OTUD7A: variants seen among roughly 807,000 people sequenced by gnomAD.
OTUD7A encodes the protein OTU domain-containing protein 7A.
In OTUD7A, 12 loss-of-function variants were observed where a neutral mutation model predicts 65.7. The observed-to-expected ratio is 0.18, with a 90% CI of 0.12 to 0.30. OTUD7A has a LOEUF of 0.30. Among genes scored for constraint, OTUD7A ranks in the 10% least tolerant of loss-of-function variants. The pLI is 1.00. For missense variants in OTUD7A, 1,148 were observed against 1,304.8 expected, an observed-to-expected ratio of 0.88 and a Z score of 1.85; for synonymous variants, 641 against 586.3, an observed-to-expected ratio of 1.09 and a Z score of -1.35.
chr15:31,745,869 T>C (rs906611420), intron 1 of OTUD7A, among the ~76,000 whole-genome samples: 3 of 152,070 alleles, frequency 2.0e-5, no homozygotes, highest in Admixed American at 1.3e-4. Context: ...TTTAAAAAAA[T>C]TGCCAAAAAT....
chr15:31,868,717 G>T (rs924618021), intron 1 of OTUD7A, among the ~76,000 whole-genome samples: 1 of 152,178 alleles, frequency 6.6e-6, no homozygotes, highest in African/African-American at 2.4e-5. Context: ...GGCCTCAGGA[G>T]TTACTTTCTA....
In OTUD7A at chr15:31,802,141, G is replaced by GTATATATA. The variant is rs1555419391; in HGVS notation, c.-100+68358_-100+68365dup. ...TGTGTGTGTGTGTGTGTGTGTGTGTGTATATATATATATGTAAAGGGGAGT... is the reference window on the plus strand; with the variant it reads ...TGTGTGTGTGTGTGTGTGTGTGTGTGTATATATATATATATATATATGTAAAGGGGAGT... On this transcript the variant is annotated intron_variant, in intron 1 of 12. Coordinates refer to ENST00000307050, the MANE Select transcript of OTUD7A (RefSeq NM_001382637.1). Among the ~76,000 whole-genome samples, 109 of 142,580 alleles carry GTATATATA rather than the reference G, an allele frequency of 7.6e-4. 2 individuals carry two copies. The highest frequency in any genetic ancestry group is 2.6e-3 in the African/African-American group (98 of 37,508). 93.5% of individuals were successfully genotyped at this position (142,580 alleles called of 152,430 possible). A position where few individuals can be genotyped will look rare whatever the true frequency, so the allele number is the denominator to read the frequency against.
chr15:31,604,039 T>C (rs963163075), intron 3 of OTUD7A, among the ~76,000 whole-genome samples: 1 of 152,232 alleles, frequency 6.6e-6, no homozygotes, highest in Non-Finnish European at 1.5e-5. Context: ...AGTGTGGCGA[T>C]TCCTCAAGGA....
intron 1 of OTUD7A, among the ~76,000 whole-genome samples, chr15:31,691,064 TA>T (rs1349415926): frequency 6.6e-6 from 1 of 152,170 alleles, no homozygotes; most frequent in Non-Finnish European, 1.5e-5. Context: ...CCATAACATA[TA>T]CAGAACCCCT....
At chr15:31,867,122 C>T (rs141044250) in intron 1 of OTUD7A, among the ~76,000 whole-genome samples, 52 of 152,274 alleles carry the variant, frequency 3.4e-4, no homozygotes, top group African/African-American at 1.2e-3. Context: ...CCCTGGAGCA[C>T]AAGCTGGCCT....
At chr15:31,527,101 G>A in intron 7 of OTUD7A, 80 bp downstream of exon 7, 4 of 1,570,624 alleles carry the variant, frequency 2.5e-6, no homozygotes, top group Non-Finnish European at 3.4e-6. Flanking sequence ...GGGCCTGGAG[G>A]CCATGCTGTG....
intron 5 of OTUD7A, among the ~76,000 whole-genome samples, chr15:31,540,261 A>G (rs1374041127): frequency 6.6e-6 from 1 of 152,204 alleles, no homozygotes; most frequent in Non-Finnish European, 1.5e-5. Context: ...ACGCTAACCA[A>G]TCATCACTCT....
At chr15:31,771,165 T>C (rs1361909430) in intron 1 of OTUD7A, among the ~76,000 whole-genome samples, 1 of 152,108 alleles carries the variant, frequency 6.6e-6, no homozygotes, top group Non-Finnish European at 1.5e-5. Context: ...TACAGAAAAA[T>C]TACTAGAACT....
rs182550507 is a variant in OTUD7A at position 31,693,290 on chromosome 15, T to C, written c.-99-36213A>G. Among the ~76,000 whole-genome samples, 12 of 152,378 alleles carry C rather than the reference T, an allele frequency of 7.9e-5. No individual in the cohort carries two copies. In the East Asian group the frequency reaches 1.2e-3, roughly 15 times the overall value. ...ATACTGTAAGTCCAAAATATGTCCG[T>C]AATGAATTATGTAAAGATCTGGAAG... is the stretch of plus-strand genomic sequence containing the variant. On this transcript the variant is annotated intron_variant, in intron 1 of 12. Transcript: ENST00000307050.
At chr15:31,637,946 C>T (rs7168828) in intron 3 of OTUD7A, among the ~76,000 whole-genome samples, 43,646 of 151,994 alleles carry the variant, frequency 0.29, 7,392 homozygotes, top group African/African-American at 0.47. Context: ...GCTGTGAACA[C>T]TGCTGAAATG....
chr15:31,657,237 C>T (rs1352765597), intron 1 of OTUD7A, among the ~76,000 whole-genome samples, 160 bp from the exon 2 acceptor site: 1 of 152,224 alleles, frequency 6.6e-6, no homozygotes, highest in Admixed American at 6.5e-5. Context: ...CGCTTACCAG[C>T]TGACCAGCAA....
chr15:31,723,177 C>G (rs945908893), intron 1 of OTUD7A, among the ~76,000 whole-genome samples: 2 of 152,202 alleles, frequency 1.3e-5, no homozygotes, highest in Non-Finnish European at 2.9e-5. Context: ...AGCCTGAGAA[C>G]TCGGGATGGC....
chr15:31,716,204 CAT>C (rs1472849940), intron 1 of OTUD7A, among the ~76,000 whole-genome samples: 1 of 32,756 alleles, frequency 3.1e-5, no homozygotes, highest in African/African-American at 5.5e-5. Flanking sequence ...ATATAAAATA[CAT>C]ATAACATAAT....
intron 1 of OTUD7A, among the ~76,000 whole-genome samples, chr15:31,667,904 C>T (rs549053950): frequency 1.9e-4 from 29 of 152,242 alleles, no homozygotes; most frequent in African/African-American, 6.0e-4. Flanking sequence ...ATATATGATG[C>T]TTAGTTTTGC....
chr15:31,565,683 G>T (rs1227609418), intron 4 of OTUD7A, among the ~76,000 whole-genome samples: 1 of 152,142 alleles, frequency 6.6e-6, no homozygotes, highest in Non-Finnish European at 1.5e-5. Flanking sequence ...AGTGTAACAG[G>T]GGGGCAGCCA....
intron 3 of OTUD7A, among the ~76,000 whole-genome samples, chr15:31,600,434 C>T (rs1890039636): frequency 1.3e-5 from 2 of 152,156 alleles, no homozygotes; most frequent in South Asian, 4.1e-4. Flanking sequence ...ACCACCAGGC[C>T]TGCCTTACAA....
At chr15:31,755,382 A>G (rs1319837502) in intron 1 of OTUD7A, among the ~76,000 whole-genome samples, 1 of 152,092 alleles carries the variant, frequency 6.6e-6, no homozygotes, top group Non-Finnish European at 1.5e-5. Flanking sequence ...ATCAGATAGG[A>G]AGCATCATGT....
At chr15:31,775,575 C>T (rs1430712356) in intron 1 of OTUD7A, among the ~76,000 whole-genome samples, 1 of 152,176 alleles carries the variant, frequency 6.6e-6, no homozygotes, top group Non-Finnish European at 1.5e-5. Context: ...TGAAGATCAA[C>T]TGTGCAGATA....
At chr15:31,635,980 C>G (rs1324219780) in intron 3 of OTUD7A, among the ~76,000 whole-genome samples, 1 of 152,246 alleles carries the variant, frequency 6.6e-6, no homozygotes, top group South Asian at 2.1e-4. Context: ...TACACCTTAT[C>G]CCAGACGCCA....
Sources: gnomAD v4.1 joint callset for allele counts (sites outside exome capture counted in the v4.1 genomes callset) on GRCh38, gnomAD v4.1.1 for gene constraint, MANE v1.5 for transcripts, NCBI Gene and HGNC (gene_info 2026-07-23, HGNC 2026-07-21) for gene names.